THRAP3: variants seen among roughly 807,000 people sequenced by gnomAD.
THRAP3 encodes the protein thyroid hormone receptor associated protein 3.
THRAP3 carries 16 observed loss-of-function variants against 101.0 expected under a neutral mutation model. The observed-to-expected ratio is 0.16, with a 90% CI of 0.11 to 0.24. THRAP3 has a LOEUF of 0.24. THRAP3 is among the 10% of genes least tolerant of loss of function. The pLI, the probability that THRAP3 is intolerant of heterozygous loss-of-function variation, is 1.00. For synonymous variants in THRAP3, 407 were observed against 422.6 expected, an observed-to-expected ratio of 0.96 and a Z score of 0.45; for missense variants, 989 against 1,202.7, an observed-to-expected ratio of 0.82 and a Z score of 2.63.
chr1:36,271,015 G>A (rs1645583977), intron 2 of THRAP3, among the ~76,000 whole-genome samples: 1 of 152,126 alleles, frequency 6.6e-6, no homozygotes, highest in African/African-American at 2.4e-5. Context: ...AAAAATTAAA[G>A]TAAGAAGCAA....
At chr1:36,263,229 A>G (rs1050335379) in intron 2 of THRAP3, among the ~76,000 whole-genome samples, 11 of 151,908 alleles carry the variant, frequency 7.2e-5, no homozygotes, top group African/African-American at 2.4e-4. Flanking sequence ...CCTCCTGAGT[A>G]GCTGAGACTA....
chr1:36,279,138 T>G (rs1038282797), intron 2 of THRAP3, among the ~76,000 whole-genome samples: 6 of 152,170 alleles, frequency 3.9e-5, no homozygotes, highest in African/African-American at 1.4e-4. Flanking sequence ...TTTCTTCATC[T>G]TAATGAAAAT....
upstream of THRAP3, among the ~76,000 whole-genome samples, chr1:36,221,492 A>C (rs867008565): frequency 2.0e-5 from 3 of 152,236 alleles, no homozygotes; most frequent in Non-Finnish European, 2.9e-5. Context: ...ATCCACCCCA[A>C]CCTTCAGCAG....
chr1:36,224,760 C>T (rs1644941321), intron 1 of THRAP3, among the ~76,000 whole-genome samples: 2 of 152,180 alleles, frequency 1.3e-5, no homozygotes, highest in Admixed American at 6.6e-5. Context: ...CAGAGCAGCT[C>T]CTACGCCGCT....
intron 2 of THRAP3, among the ~76,000 whole-genome samples, chr1:36,264,096 G>T (rs1352218941): frequency 3.9e-5 from 6 of 152,234 alleles, no homozygotes; most frequent in African/African-American, 1.4e-4. Context: ...GTCTCGCTCT[G>T]TCGCCCAGGC....
intron 11 of THRAP3, among the ~76,000 whole-genome samples, chr1:36,303,112 ATTTT>A (rs397936228): frequency 8.0e-6 from 1 of 125,146 alleles, no homozygotes; most frequent in Non-Finnish European, 1.7e-5. Flanking sequence ...TGCCTGGCTA[ATTTT>A]TTTTTTTTTT....
intron 5 of THRAP3, 130 bp from the exon 6 acceptor site, chr1:36,291,244 C>T (rs1645864452): frequency 1.0e-6 from 1 of 961,048 alleles, no homozygotes; most frequent in African/African-American, 1.7e-5. Context: ...CTGAGGGTTA[C>T]TTTCAACTTC....
rs1553121666 is a variant in THRAP3 at position 36,270,571 on chromosome 1, G to GGTTTTTTTTTTTTTTT, written c.-32+11087_-32+11088insGTTTTTTTTTTTTTTT. On this transcript the variant is annotated intron_variant, in intron 2 of 11. Coordinates refer to ENST00000354618, the MANE Select transcript of THRAP3 (RefSeq NM_005119.4). ...TAAAAATACAGTTCTATTTGTTTAG[G>GGTTTTTTTTTTTTTTT]TTTTTGTTTTTTTTTTTTTTTTTGA... Among the ~76,000 whole-genome samples the GGTTTTTTTTTTTTTTT allele has an allele frequency of 6.4e-3, 203 of 31,858 alleles. 13 individuals carry two copies. Among genetic ancestry groups the GGTTTTTTTTTTTTTTT allele is most frequent in the African/African-American group, 0.013 (188 of 14,162 alleles). 20.9% of individuals were successfully genotyped at this position (31,858 alleles called of 152,430 possible).
chr1:36,288,239 G>A (rs1304610541), intron 4 of THRAP3: 32 of 792,474 alleles, frequency 4.0e-5, no homozygotes, highest in African/African-American at 7.5e-5. Context: ...GATTTCTGAG[G>A]TTTTGGTGCA....
intron 1 of THRAP3, among the ~76,000 whole-genome samples, chr1:36,252,314 G>A (rs1323316460): frequency 5.3e-5 from 8 of 152,034 alleles, no homozygotes; most frequent in Non-Finnish European, 8.8e-5. Flanking sequence ...TAGTAGAGAC[G>A]GGGTTTCACC....
At chr1:36,225,949 C>G (rs183739466) in intron 1 of THRAP3, among the ~76,000 whole-genome samples, 1 of 152,136 alleles carries the variant, frequency 6.6e-6, no homozygotes. Context: ...AATTCCATCT[C>G]TTTGTTTTTT....
At chr1:36,303,112 A>ATTTTTTTTT (rs397936228) in intron 11 of THRAP3, among the ~76,000 whole-genome samples, 739 of 124,948 alleles carry the variant, frequency 5.9e-3, no homozygotes, top group Non-Finnish European at 8.6e-3. Context: ...TGCCTGGCTA[A>ATTTTTTTTT]TTTTTTTTTT....
chr1:36,223,333 G>A (rs1644918391), upstream of THRAP3, among the ~76,000 whole-genome samples: 1 of 152,286 alleles, frequency 6.6e-6, no homozygotes. Flanking sequence ...CTCTTAGGAA[G>A]AGCATTAGAT....
At chr1:36,267,006 G>A (rs1285524474) in intron 2 of THRAP3, among the ~76,000 whole-genome samples, 1 of 151,876 alleles carries the variant, frequency 6.6e-6, no homozygotes, top group Non-Finnish European at 1.5e-5. Flanking sequence ...TCAGCCTCCC[G>A]AGTAGGTGGG....
intron 1 of THRAP3, among the ~76,000 whole-genome samples, chr1:36,259,145 A>C (rs952658451): frequency 6.6e-6 from 1 of 152,202 alleles, no homozygotes; most frequent in Non-Finnish European, 1.5e-5. Flanking sequence ...AAATATTGCC[A>C]GTGAAAGTAT....
At chr1:36,275,630 G>A (rs1278972559) in intron 2 of THRAP3, among the ~76,000 whole-genome samples, 2 of 144,286 alleles carry the variant, frequency 1.4e-5, no homozygotes, top group Non-Finnish European at 3.0e-5. Context: ...TTTCTTTTGA[G>A]ATGGAGTTTC....
At chr1:36,238,888 A>G (rs1048169822) in intron 1 of THRAP3, among the ~76,000 whole-genome samples, 2 of 151,952 alleles carry the variant, frequency 1.3e-5, no homozygotes, top group African/African-American at 4.8e-5. Flanking sequence ...CTGTAGGTGC[A>G]TGCCACCATG....
chr1:36,251,791 T>C (rs974130202), intron 1 of THRAP3, among the ~76,000 whole-genome samples: 6 of 152,208 alleles, frequency 3.9e-5, no homozygotes, highest in East Asian at 1.9e-4. Flanking sequence ...TTTATACATA[T>C]ATTAATTTAT....
At chr1:36,264,642 G>A (rs1462227292) in intron 2 of THRAP3, among the ~76,000 whole-genome samples, 1 of 152,198 alleles carries the variant, frequency 6.6e-6, no homozygotes. Flanking sequence ...GTGGATTCTA[G>A]TCTCAGTTGC....
Sources: allele counts gnomAD v4.1 joint callset (sites outside exome capture counted in the v4.1 genomes callset), GRCh38; gene constraint gnomAD v4.1.1; transcripts MANE v1.5; gene names NCBI Gene and HGNC (gene_info 2026-07-23, HGNC 2026-07-21).